Variants in PDZD2 observed in about 807,000 individuals in gnomAD.
PDZD2 encodes PDZ domain containing 2, also known as PDZ domain-containing protein 2.
A neutral mutation model predicts 220.7 loss-of-function variants in PDZD2; 90 were observed. The ratio of observed to expected loss-of-function variants is 0.41; its 90% CI spans 0.34 to 0.49. The LOEUF is 0.49. PDZD2 is among the 20% of genes least tolerant of loss of function. The pLI is 0.28. For synonymous variants in PDZD2, 1,375 were observed against 1,450.5 expected, an observed-to-expected ratio of 0.95 and a Z score of 1.18; for missense variants, 3,174 against 3,608.5, an observed-to-expected ratio of 0.88 and a Z score of 3.08.
At chr5:31,830,770 A>G (rs984453846) in intron 2 of PDZD2, among the ~76,000 whole-genome samples, 3 of 152,238 alleles carry the variant, frequency 2.0e-5, no homozygotes, top group Non-Finnish European at 4.4e-5. Context: ...ACTTCTGCAC[A>G]GTGTCCAAAC....
At chr5:31,870,955 A>G (rs1738739104) in intron 2 of PDZD2, among the ~76,000 whole-genome samples, 1 of 152,104 alleles carries the variant, frequency 6.6e-6, no homozygotes, top group Non-Finnish European at 1.5e-5. Context: ...AGTGAAGAAG[A>G]TATGTTCTGG....
In PDZD2 at chr5:31,976,693, CTTTTCCT is replaced by C. The variant is rs753230918; in HGVS notation, c.477-6457_477-6451del. ...AGTTACTTTGTTTTTTTGTTTCTTT[CTTTTCCT>C]TTTTTTCTTCTTTCTTTTTTTTTTT... On this transcript the variant is annotated intron_variant, in intron 2 of 24. Transcript: ENST00000438447. Among the ~76,000 whole-genome samples, 678 of 140,990 alleles carry C rather than the reference CTTTTCCT, an allele frequency of 4.8e-3. 3 individuals are homozygous for C. The highest frequency in any genetic ancestry group is 7.1e-3 in the Non-Finnish European group (458 of 64,636). The allele number at this position is 140,990 out of a possible 152,430, so 92.5% of individuals were successfully genotyped here.
chr5:31,802,156 C>T (rs1754429074), intron 2 of PDZD2, among the ~76,000 whole-genome samples: 1 of 152,114 alleles, frequency 6.6e-6, no homozygotes, highest in Non-Finnish European at 1.5e-5. Context: ...TCCAGGTTCT[C>T]TCCAAGGTCT....
chr5:31,750,891 G>A (rs541392527), intron 1 of PDZD2, among the ~76,000 whole-genome samples: 13 of 152,196 alleles, frequency 8.5e-5, no homozygotes, highest in South Asian at 4.2e-4. Flanking sequence ...TGAAAGCCAC[G>A]GTGAAGACTT....
At chr5:31,862,781 G>T (rs1737845304) in intron 2 of PDZD2, among the ~76,000 whole-genome samples, 2 of 152,126 alleles carry the variant, frequency 1.3e-5, no homozygotes, top group Non-Finnish European at 2.9e-5. Flanking sequence ...AGGCTGGAGT[G>T]CAGTGGCCTG....
chr5:31,916,626 G>A (rs1198658656), intron 2 of PDZD2, among the ~76,000 whole-genome samples: 7 of 152,226 alleles, frequency 4.6e-5, no homozygotes, highest in Admixed American at 1.3e-4. Flanking sequence ...TGTCACTTTT[G>A]CAAGACTGTG....
chr5:31,993,419 C>T (rs929326331), intron 3 of PDZD2, among the ~76,000 whole-genome samples: 8 of 152,232 alleles, frequency 5.3e-5, no homozygotes, highest in Non-Finnish European at 1.0e-4. Flanking sequence ...TCTCTGTCTG[C>T]TAATAATTTC....
chr5:32,094,154 C>A (rs146094076), intron 21 of PDZD2, among the ~76,000 whole-genome samples: 7 of 151,460 alleles, frequency 4.6e-5, no homozygotes, highest in African/African-American at 1.5e-4. Flanking sequence ...TGTGAGTGGA[C>A]CTGTACAGTT....
At chr5:31,817,185 C>CAAAAAAAAAA in intron 2 of PDZD2, among the ~76,000 whole-genome samples, 1 of 95,744 alleles carries the variant, frequency 1.0e-5, no homozygotes, top group Non-Finnish European at 2.0e-5. Flanking sequence ...GACTCCGTCT[C>CAAAAAAAAAA]AAAAAAAAAA....
chr5:31,990,127 G>A (rs1479647308), intron 3 of PDZD2, among the ~76,000 whole-genome samples: 18 of 152,180 alleles, frequency 1.2e-4, no homozygotes, highest in Admixed American at 9.8e-4. Flanking sequence ...AACTAGCGCC[G>A]GAGTATTTAC....
chr5:31,694,793 A>ATTTTATTTTATTTTATTTTAT (rs201947093), intron 1 of PDZD2, among the ~76,000 whole-genome samples: 1,667 of 114,670 alleles, frequency 0.015, 32 homozygotes, highest in South Asian at 0.053. Flanking sequence ...TATTTTATTT[A>ATTTTATTTTATTTTATTTTAT]TTTATTTTTT....
At chr5:32,017,417 GT>G (rs1753863475) in intron 6 of PDZD2, among the ~76,000 whole-genome samples, 1 of 150,408 alleles carries the variant, frequency 6.6e-6, no homozygotes, top group Admixed American at 6.6e-5. Context: ...TCCAGCCTGA[GT>G]GACAGAGCCA....
chr5:31,791,719 G>T (rs1753742937), intron 1 of PDZD2, among the ~76,000 whole-genome samples: 1 of 151,600 alleles, frequency 6.6e-6, no homozygotes, highest in South Asian at 2.1e-4. Flanking sequence ...ACATTCAGCA[G>T]TAGGCAATTT....
intron 1 of PDZD2, among the ~76,000 whole-genome samples, chr5:31,735,926 T>G (rs1420641630): frequency 6.6e-6 from 1 of 152,056 alleles, no homozygotes; most frequent in Non-Finnish European, 1.5e-5. Context: ...GCCTGCGGGA[T>G]AGAGTGAGAA....
At chr5:32,076,170 C>G (rs1741264126) in intron 18 of PDZD2, among the ~76,000 whole-genome samples, 1 of 151,734 alleles carries the variant, frequency 6.6e-6, no homozygotes, top group South Asian at 2.1e-4. Context: ...CCTGTAATCC[C>G]AGCTACTCGG....
At chr5:32,032,785 C>T (rs1400308257) in intron 6 of PDZD2, among the ~76,000 whole-genome samples, 3 of 152,150 alleles carry the variant, frequency 2.0e-5, no homozygotes, top group Non-Finnish European at 4.4e-5. Flanking sequence ...AGGACACTGA[C>T]GTTCAAAGAG....
chr5:31,963,360 G>A (rs1332398408), intron 2 of PDZD2, among the ~76,000 whole-genome samples: 1 of 152,236 alleles, frequency 6.6e-6, no homozygotes, highest in Non-Finnish European at 1.5e-5. Context: ...CCAAAAGGAA[G>A]GGCTTTTGCC....
At chr5:31,728,002 C>A (rs1174318501) in intron 1 of PDZD2, among the ~76,000 whole-genome samples, 222 of 110,588 alleles carry the variant, frequency 2.0e-3, no homozygotes, top group Middle Eastern at 9.3e-3. Flanking sequence ...GACTCTGTCT[C>A]AAAAAAAAAA....
intron 1 of PDZD2, among the ~76,000 whole-genome samples, chr5:31,790,334 G>T (rs1753628385): frequency 6.6e-6 from 1 of 152,140 alleles, no homozygotes; most frequent in Non-Finnish European, 1.5e-5. Flanking sequence ...TTGACCTCAG[G>T]TGATCCTCCC....
Sources: allele counts gnomAD v4.1 joint callset (sites outside exome capture counted in the v4.1 genomes callset), GRCh38; gene constraint gnomAD v4.1.1; transcripts MANE v1.5; gene names NCBI Gene and HGNC (gene_info 2026-07-23, HGNC 2026-07-21).